Variants in TMCC2 observed in about 807,000 individuals in gnomAD.
The protein encoded by TMCC2 is transmembrane and coiled-coil domain family 2.
TMCC2 carries 16 observed loss-of-function variants against 49.4 expected under a neutral mutation model. The ratio of observed to expected loss-of-function variants is 0.32; its 90% CI spans 0.22 to 0.49. The LOEUF is 0.49. Among genes scored for constraint, TMCC2 ranks in the 20% least tolerant of loss-of-function variants. TMCC2 has a pLI of 0.99. For synonymous variants in TMCC2, 397 were observed against 434.1 expected, an observed-to-expected ratio of 0.91 and a Z score of 1.06; for missense variants, 762 against 989.8, an observed-to-expected ratio of 0.77 and a Z score of 3.09.
At position 205,228,478 on chromosome 1, in the gene TMCC2, G is replaced by A; in HGVS notation, c.-87G>A. On this transcript the variant is annotated 5_prime_UTR_variant, in exon 1 of 5. Transcript: ENST00000358024. The stretch of plus-strand genomic sequence containing the variant: ...CTCCTTGTTAATAATTTAGACCCCA[G>A]GCCTCATATGAATATAAGAGGGGGT... The A allele has an allele frequency of 2.7e-6, 3 of 1,132,018 alleles. No homozygotes were observed. The highest frequency in any genetic ancestry group is 3.1e-5 in the South Asian group (2 of 65,068). 70.1% of individuals were successfully genotyped at this position (1,132,018 alleles called of 1,614,324 possible).
intron 1 of TMCC2, chr1:205,229,630 G>C (rs1417115683): frequency 1.0e-6 from 1 of 983,838 alleles, no homozygotes; most frequent in African/African-American, 1.8e-5. Flanking sequence ...ATAGTGCTTG[G>C]AGATCTCTGC....
chr1:205,270,339 G>C (rs573876676), intron 3 of TMCC2, among the ~76,000 whole-genome samples: 6 of 152,176 alleles, frequency 3.9e-5, no homozygotes, highest in Non-Finnish European at 8.8e-5. Context: ...AATGAGTCCA[G>C]ACCTGTAAAG....
chr1:205,256,384 G>A (rs1285758696), intron 2 of TMCC2: 1 of 1,551,076 alleles, frequency 6.4e-7, no homozygotes, highest in Non-Finnish European at 8.7e-7. Flanking sequence ...TGCTGGCACT[G>A]TCAAGATGAA....
intron 1 of TMCC2, among the ~76,000 whole-genome samples, chr1:205,231,802 G>T (rs1372358837): frequency 6.6e-6 from 1 of 152,044 alleles, no homozygotes; most frequent in Non-Finnish European, 1.5e-5. Flanking sequence ...AAGCAGTTCT[G>T]GTTTGCTTTT....
chr1:205,246,241 G>A (rs1660447259), intron 2 of TMCC2, among the ~76,000 whole-genome samples: 1 of 138,568 alleles, frequency 7.2e-6, no homozygotes, highest in South Asian at 2.2e-4. Flanking sequence ...AAGAAGAAAT[G>A]GTCAATAACT....
At chr1:205,238,994 T>C (rs1449231760) in intron 1 of TMCC2, among the ~76,000 whole-genome samples, 1 of 152,164 alleles carries the variant, frequency 6.6e-6, no homozygotes, top group African/African-American at 2.4e-5. Context: ...TCCAAGGCAA[T>C]ATGGCAGACA....
intron 2 of TMCC2, among the ~76,000 whole-genome samples, chr1:205,251,829 C>A (rs1660681320): frequency 6.6e-6 from 1 of 152,224 alleles, no homozygotes; most frequent in Middle Eastern, 3.2e-3. Context: ...AGAATGCGTT[C>A]ACACACATTT....
intron 2 of TMCC2, chr1:205,268,140 G>GGGCA (rs1394935111): frequency 1.1e-6 from 1 of 931,350 alleles, no homozygotes; most frequent in Non-Finnish European, 1.3e-6. Context: ...GGGGTGGCGA[G>GGGCA]GGCAGGCAGG....
At chr1:205,243,762 A>G (rs1054074018) in intron 2 of TMCC2, among the ~76,000 whole-genome samples, 4 of 152,148 alleles carry the variant, frequency 2.6e-5, no homozygotes, top group Non-Finnish European at 5.9e-5. Context: ...ACCAGCTGGC[A>G]ATTGGGTCTG....
rs1204913189 is a variant in TMCC2 at position 205,242,039 on chromosome 1, G to T, written c.742G>T (p.Asp248Tyr). 2 of 1,578,956 alleles carry T rather than the reference G, an allele frequency of 1.3e-6. No individual in the cohort carries two copies. The highest frequency in any genetic ancestry group is 2.3e-5 in the South Asian group (2 of 85,790). Residue 248 changes from aspartate to tyrosine, a missense_variant, in exon 2 of 5, where the codon GAC (aspartate) becomes TAC (tyrosine). Around this residue, in one of 2 missense-constraint regions of TMCC2, gnomAD observed 440 missense variants for 636.7 expected, o/e 0.69. Coordinates refer to ENST00000358024, the MANE Select transcript of TMCC2 (RefSeq NM_014858.4). ...GGCTGAGGAGGCCGAAGGCATCGGG[G>T]ACAAGGTGAGATGGGCCTTCTGGGG... ...LLAEEAEGIG[D>Y]KVDKGDLVAL...
At chr1:205,250,882 C>T (rs995639954) in intron 2 of TMCC2, among the ~76,000 whole-genome samples, 15 of 152,192 alleles carry the variant, frequency 9.9e-5, no homozygotes. Flanking sequence ...CATCGGGTTC[C>T]AGACGGCAAG....
chr1:205,241,769 C>T lies in TMCC2; in HGVS notation c.472C>T (p.Arg158Trp), dbSNP rs968376504. ...FNRVLQQIRS[R>W]PSIKRGASLH... ...CCGCGTGCTGCAGCAGATCCGCTCC[C>T]GGCCCTCCATCAAGCGGGGCGCCAG... is the stretch of plus-strand genomic sequence containing the variant. The change falls in exon 2 of 5, where the codon CGG becomes TGG. Residue 158 changes from arginine to tryptophan, a missense_variant. This residue lies in a region of TMCC2 where 322 missense variants were observed against 353.1 expected (regional missense o/e 0.91). Coordinates refer to ENST00000358024, the MANE Select transcript of TMCC2 (RefSeq NM_014858.4). The surrounding 1 kb of genome is among the most constrained non-coding windows in gnomAD (Gnocchi z 7.3). 4.3e-6 allele frequency: 7 copies of T among 1,611,102 alleles called. No individual in the cohort carries two copies. Among genetic ancestry groups the T allele is most frequent in the South Asian group, 2.2e-5 (2 of 90,948 alleles).
At position 205,255,495 on chromosome 1, in the gene TMCC2, C is replaced by T. The variant is rs1274289670; in HGVS notation, c.747+13451C>T. ...GGTTGAACCCAGGAGGTGGAGGTTG[C>T]AGTGAGCCAAGATCGCGTCAATGCA... On this transcript the variant is annotated intron_variant, in intron 2 of 4. Coordinates refer to ENST00000358024, the MANE Select transcript of TMCC2 (RefSeq NM_014858.4). Among the ~76,000 whole-genome samples, 6 of 152,226 alleles carry T rather than the reference C, an allele frequency of 3.9e-5. No homozygotes were observed. In the East Asian group the frequency reaches 1.2e-3, roughly 29 times the overall value.
intron 1 of TMCC2, among the ~76,000 whole-genome samples, chr1:205,232,012 A>G (rs1659819346): frequency 6.6e-6 from 1 of 152,196 alleles, no homozygotes; most frequent in Admixed American, 6.5e-5. Context: ...TTGGAAGAGG[A>G]GAGAATTTTT....
At chr1:205,257,686 T>G (rs570164065) in intron 2 of TMCC2, among the ~76,000 whole-genome samples, 2 of 152,110 alleles carry the variant, frequency 1.3e-5, no homozygotes, top group East Asian at 1.9e-4. Context: ...AGTGGAGGGG[T>G]GTTCCTGGTT....
At chr1:205,238,550 G>T (rs774388069) in intron 1 of TMCC2, among the ~76,000 whole-genome samples, 1 of 152,156 alleles carries the variant, frequency 6.6e-6, no homozygotes, top group Non-Finnish European at 1.5e-5. Flanking sequence ...AGCTCAGGGA[G>T]GTGGGAAGTA....
In TMCC2 at chr1:205,272,023, C is replaced by T. The variant is rs777654631; in HGVS notation, c.2029C>T (p.Arg677Cys). Residue 677 changes from arginine to cysteine, a missense_variant, in exon 5 of 5, where the codon CGC (arginine) becomes TGC (cysteine). Around this residue, in one of 2 missense-constraint regions of TMCC2, gnomAD observed 440 missense variants for 636.7 expected, o/e 0.69. Coordinates refer to ENST00000358024, the MANE Select transcript of TMCC2 (RefSeq NM_014858.4). Reference protein sequence around the residue: ...FITPLMKTRLRITSTTLLVLV... With the variant: ...FITPLMKTRLCITSTTLLVLV... ...CACGCCCCTCATGAAGACACGCCTG[C>T]GCATCACCAGCACCACCCTCCTGGT... 2.5e-6 allele frequency: 4 copies of T among 1,614,102 alleles called. No homozygotes were observed. The highest frequency in any genetic ancestry group is 1.7e-5 in the Admixed American group (1 of 60,012).
At chr1:205,261,806 A>C (rs1324449084) in intron 2 of TMCC2, among the ~76,000 whole-genome samples, 4 of 152,136 alleles carry the variant, frequency 2.6e-5, no homozygotes, top group Non-Finnish European at 4.4e-5. Flanking sequence ...GATAGCTCTC[A>C]GCTGGTAAGT....
At chr1:205,233,665 T>C (rs1176215015) in intron 1 of TMCC2, among the ~76,000 whole-genome samples, 1 of 152,106 alleles carries the variant, frequency 6.6e-6, no homozygotes, top group Non-Finnish European at 1.5e-5. Flanking sequence ...TGAAACATGC[T>C]TATAAAAGTG....
Sources: gnomAD v4.1 joint callset for allele counts (sites outside exome capture counted in the v4.1 genomes callset) on GRCh38, gnomAD v4.1.1 for gene constraint, gnomAD v4.1.1 regional missense constraint, Gnocchi (gnomAD v3.1) non-coding constraint, MANE v1.5 for transcripts, NCBI Gene and HGNC (gene_info 2026-07-23, HGNC 2026-07-21) for gene names.